The following DMXL2 variants were observed in gnomAD, a reference collection of about 807,000 sequenced individuals.
DMXL2 encodes dmX-like protein 2.
In DMXL2, 103 loss-of-function variants were observed where a neutral mutation model predicts 331.1. The ratio of observed to expected loss-of-function variants is 0.31; its 90% CI spans 0.27 to 0.37. DMXL2 has a LOEUF of 0.37. Among genes scored for constraint, DMXL2 ranks in the 10% least tolerant of loss-of-function variants. The pLI is 1.00. For synonymous variants in DMXL2, 1,281 were observed against 1,252.1 expected (o/e 1.02, Z -0.49); for missense variants, 3,171 against 3,642.9 (o/e 0.87, Z 3.33).
chr15:51,570,676 T>C (rs1182561777), intron 2 of DMXL2, among the ~76,000 whole-genome samples: 1 of 152,164 alleles, frequency 6.6e-6, no homozygotes, highest in Non-Finnish European at 1.5e-5. Context: ...CAGAATTTCA[T>C]ATCCAGCCAA....
intron 18 of DMXL2, among the ~76,000 whole-genome samples, chr15:51,497,359 A>G (rs2043257815): frequency 6.6e-6 from 1 of 152,216 alleles, no homozygotes; most frequent in Non-Finnish European, 1.5e-5. Flanking sequence ...ACAGGCTTTG[A>G]GTCAACAGTT....
chr15:51,595,243 G>A (rs1370322485), intron 1 of DMXL2, among the ~76,000 whole-genome samples: 1 of 152,188 alleles, frequency 6.6e-6, no homozygotes, highest in Non-Finnish European at 1.5e-5. Context: ...CAAAATCAAT[G>A]TGCAAAAATC....
At chr15:51,557,481 A>G (rs1276356842) in intron 6 of DMXL2, among the ~76,000 whole-genome samples, 1 of 152,180 alleles carries the variant, frequency 6.6e-6, no homozygotes, top group Non-Finnish European at 1.5e-5. Flanking sequence ...TGTAATACCA[A>G]TCAGAATCAT....
chr15:51,580,282 G>A (rs142845452), intron 1 of DMXL2, among the ~76,000 whole-genome samples: 10 of 152,282 alleles, frequency 6.6e-5, no homozygotes, highest in East Asian at 5.8e-4. Context: ...CAGGGTGTTC[G>A]TTAAGACTAC....
intron 1 of DMXL2, among the ~76,000 whole-genome samples, chr15:51,615,472 G>A (rs774274939): frequency 8.5e-5 from 13 of 152,150 alleles, no homozygotes; most frequent in South Asian, 2.1e-4. Flanking sequence ...GGACTATCCC[G>A]TGCACTGTAG....
At chr15:51,508,685 T>C (rs7181470) in intron 15 of DMXL2, among the ~76,000 whole-genome samples, 65,119 of 152,060 alleles carry the variant, frequency 0.43, 14,840 homozygotes, top group Non-Finnish European at 0.5. Context: ...AATTCAACAG[T>C]AGCAGCTAGA....
At chr15:51,480,234 A>T in intron 24 of DMXL2, 95 bp from the exon 25 acceptor site, 1 of 1,242,332 alleles carries the variant, frequency 8.0e-7, no homozygotes, top group Non-Finnish European at 1.1e-6. Context: ...GTGTAAAGGG[A>T]ATATGTTCGC....
At position 51,568,544 on chromosome 15, in the gene DMXL2, A is replaced by G; in HGVS notation, c.228T>C (p.Tyr76=). Residue 76 remains tyrosine (Y), a synonymous_variant, in exon 3 of 44, where the codon TAT becomes TAC. Coordinates refer to ENST00000560891, the MANE Select transcript of DMXL2 (RefSeq NM_001378457.1). The stretch of plus-strand genomic sequence containing the variant: ...GCTCAAATATACAAACAGCATTACC[A>G]TATGAAGCTGCAATCTAAAAAAGAA... ...SNQQGRIAAS[Y]GNAVCIFEPL... 6.3e-7 allele frequency: 1 copy of G among 1,576,864 alleles called. No homozygotes were observed. Among genetic ancestry groups the G allele is most frequent in the South Asian group, 1.2e-5 (1 of 84,026 alleles).
At chr15:51,582,222 TTTTTGAAAAAGGAA>T (rs2051478254) in intron 1 of DMXL2, among the ~76,000 whole-genome samples, 1 of 152,156 alleles carries the variant, frequency 6.6e-6, no homozygotes, top group South Asian at 2.1e-4. Flanking sequence ...CACCTTAATA[TTTTTGAAAAAGGAA>T]TTTCACAGGA....
chr15:51,607,353 G>T (rs1400603004), intron 1 of DMXL2, among the ~76,000 whole-genome samples: 1 of 152,174 alleles, frequency 6.6e-6, no homozygotes, highest in Non-Finnish European at 1.5e-5. Flanking sequence ...CTACTCGGGA[G>T]GCTGAGGCAG....
chr15:51,464,910 TAA>T, intron 31 of DMXL2, 34 bp from the exon 32 acceptor site: 3 of 1,528,558 alleles, frequency 2.0e-6, no homozygotes, highest in Middle Eastern at 3.5e-4. Flanking sequence ...TTTATTTTAA[TAA>T]AAAATATCGA....
chr15:51,486,093 T>G lies in DMXL2; in HGVS notation c.5462A>C (p.Lys1821Thr). Residue 1821 changes from lysine to threonine, a missense_variant, in exon 23 of 44, where the codon AAG (lysine) becomes ACG (threonine). This residue lies in a region of DMXL2 where 244 missense variants were observed against 251.4 expected (regional missense o/e 0.97). Transcript: ENST00000560891. The stretch of plus-strand genomic sequence containing the variant: ...CCTACCTTGATGTTCATCATCCTCC[T>G]TTGGTGTTTGTTCCAGTAATGTGTC... ...ALDTLLEQTP[K>T]EDDEHQVIIK... is the part of the protein sequence containing the mutation. 6.2e-7 allele frequency: 1 copy of G among 1,609,522 alleles called. No homozygotes were observed. Among genetic ancestry groups the G allele is most frequent in the East Asian group, 2.2e-5 (1 of 44,798 alleles).
At chr15:51,555,398 G>C (rs1315975440) in intron 6 of DMXL2, among the ~76,000 whole-genome samples, 1 of 152,060 alleles carries the variant, frequency 6.6e-6, no homozygotes, top group African/African-American at 2.4e-5. Context: ...TCAGGGAAGA[G>C]GTACAGGCAA....
At chr15:51,508,339 A>C (rs1019052924) in intron 15 of DMXL2, among the ~76,000 whole-genome samples, 1 of 152,198 alleles carries the variant, frequency 6.6e-6, no homozygotes, top group Non-Finnish European at 1.5e-5. Context: ...TAATTTTTAA[A>C]AAAGAAACAG....
chr15:51,492,584 G>C (rs2042889373), intron 19 of DMXL2, among the ~76,000 whole-genome samples: 1 of 152,072 alleles, frequency 6.6e-6, no homozygotes, highest in Non-Finnish European at 1.5e-5. Flanking sequence ...AGACTTTTAA[G>C]TACTAATGGA....
At chr15:51,577,588 G>A (rs990758732) in intron 1 of DMXL2, among the ~76,000 whole-genome samples, 3 of 152,270 alleles carry the variant, frequency 2.0e-5, no homozygotes, top group Non-Finnish European at 4.4e-5. Flanking sequence ...AAGCCAAACT[G>A]AAGGGGAATA....
chr15:51,590,367 G>C (rs531672102), intron 1 of DMXL2, among the ~76,000 whole-genome samples: 1 of 152,210 alleles, frequency 6.6e-6, no homozygotes, highest in East Asian at 1.9e-4. Context: ...ACAAAAAGAG[G>C]AACAGACACT....
At position 51,536,815 on chromosome 15, in the gene DMXL2, T is replaced by G; in HGVS notation, c.1665A>C (p.Ala555=). ...RIPVAFPSGD[A]SSLSKNIMMY... is the part of the protein sequence containing the mutation. Reference sequence around the variant, plus strand: ...TCATGATATTTTTACTAAGAGAGCTTGCATCACCAGAGGGAAATGCAACAG... The same window carrying G: ...TCATGATATTTTTACTAAGAGAGCTGGCATCACCAGAGGGAAATGCAACAG... The change falls in exon 12 of 44, where the codon GCA becomes GCC. Residue 555 remains alanine (A), a synonymous_variant. Coordinates refer to ENST00000560891, the MANE Select transcript of DMXL2 (RefSeq NM_001378457.1). 1 of 1,612,990 alleles carries G rather than the reference T, an allele frequency of 6.2e-7. No homozygotes were observed. The highest frequency in any genetic ancestry group is 8.5e-7 in the Non-Finnish European group (1 of 1,179,726).
chr15:51,458,916 A>AAAAAGG (rs2039887246), intron 34 of DMXL2, 121 bp from the exon 35 acceptor site: 4 of 844,388 alleles, frequency 4.7e-6, no homozygotes, highest in Non-Finnish European at 7.4e-6. Context: ...CAGCAGCAGC[A>AAAAAGG]GCAAGAAAAA....
Sources: allele counts gnomAD v4.1 joint callset (sites outside exome capture counted in the v4.1 genomes callset), GRCh38; gene constraint gnomAD v4.1.1; regional missense constraint gnomAD v4.1.1; transcripts MANE v1.5; gene names NCBI Gene and HGNC (gene_info 2026-07-23, HGNC 2026-07-21).